CNGB3: variants seen among roughly 807,000 people sequenced by gnomAD.
CNGB3 encodes cyclic nucleotide-gated channel beta-3.
CNGB3 carries 86 observed loss-of-function variants against 92.8 expected under a neutral mutation model. The observed-to-expected ratio is 0.93, with a 90% CI of 0.78 to 1.11. CNGB3 has a LOEUF of 1.11. Among genes scored for constraint, CNGB3 ranks in the 50% least tolerant of loss-of-function variants. The pLI is 0.00. For synonymous variants in CNGB3, 333 were observed against 332.7 expected (o/e 1.00, Z -0.01); for missense variants, 1,026 against 956.8 (o/e 1.07, Z -0.95).
intron 3 of CNGB3, among the ~76,000 whole-genome samples, chr8:86,688,921 G>T (rs577664765): frequency 1.3e-5 from 2 of 151,730 alleles, no homozygotes; most frequent in African/African-American, 4.8e-5. Context: ...TTAGGTAGGT[G>T]CTTATTGCTA....
At chr8:86,662,029 C>T in intron 6 of CNGB3, 1 of 351,794 alleles carries the variant, frequency 2.8e-6, no homozygotes, top group African/African-American at 2.1e-5. Context: ...AGGAGACTGG[C>T]CCAGGTGCAG....
chr8:86,593,966 A>T, intron 15 of CNGB3: 1 of 488,156 alleles, frequency 2.0e-6, no homozygotes, highest in East Asian at 4.6e-5. Context: ...CTCCAGTGGG[A>T]GCGAGAACTT....
At chr8:86,611,164 C>G (rs2131565327) in intron 14 of CNGB3, among the ~76,000 whole-genome samples, 1 of 152,088 alleles carries the variant, frequency 6.6e-6, no homozygotes, top group Admixed American at 6.5e-5. Context: ...TCATAAAAAG[C>G]ACAGTACAGT....
intron 1 of CNGB3, among the ~76,000 whole-genome samples, chr8:86,743,267 C>A (rs1272297689): frequency 2.6e-5 from 4 of 152,180 alleles, no homozygotes; most frequent in African/African-American, 9.7e-5. Flanking sequence ...AATGAGAAGT[C>A]TTACTTGGCT....
chr8:86,697,601 T>C (rs1213794015), intron 3 of CNGB3, among the ~76,000 whole-genome samples: 1 of 152,210 alleles, frequency 6.6e-6, no homozygotes, highest in African/African-American at 2.4e-5. Flanking sequence ...AAAAAAATTT[T>C]AGCAAAACTC....
At chr8:86,627,635 T>C (rs1019811199) in intron 12 of CNGB3, among the ~76,000 whole-genome samples, 3 of 152,230 alleles carry the variant, frequency 2.0e-5, no homozygotes, top group African/African-American at 7.2e-5. Flanking sequence ...TATTGTCAAC[T>C]AGCAGTGCAT....
intron 10 of CNGB3, among the ~76,000 whole-genome samples, chr8:86,635,872 A>G (rs1823062034): frequency 1.4e-5 from 2 of 138,952 alleles, no homozygotes. Flanking sequence ...ATACACATAC[A>G]CATATACTTA....
At position 86,661,442 on chromosome 8, in the gene CNGB3, A is replaced by G. The variant is rs572853870; in HGVS notation, c.852+5483T>C. 1.6e-4 allele frequency: 81 copies of G among 519,240 alleles called. 2 individuals are homozygous for G. Among genetic ancestry groups the G allele is most frequent in the African/African-American group, 1.4e-3 (74 of 51,346 alleles). 32.2% of individuals were successfully genotyped at this position (519,240 alleles called of 1,614,324 possible). On this transcript the variant is annotated intron_variant, in intron 6 of 17. Transcript: ENST00000320005. ...CAGCAGACCTGTTTTATGTTTTATA[A>G]CTCCATGATCTGCATACGTCCCTGA...
intron 2 of CNGB3, 35 bp downstream of exon 2, chr8:86,739,620 G>GTTTTTTTTTTTTTTTTTTTTTTT: frequency 6.7e-7 from 1 of 1,488,506 alleles, no homozygotes; most frequent in Non-Finnish European, 9.0e-7. Context: ...TCACTTTTTA[G>GTTTTTTTTTTTTTTTTTTTTTTT]TTTTTTTTTT....
intron 11 of CNGB3, among the ~76,000 whole-genome samples, chr8:86,632,198 C>CA (rs71275869): frequency 0.25 from 17,320 of 69,554 alleles, 1,877 homozygotes; most frequent in African/African-American, 0.34. Flanking sequence ...GACCCTGTCT[C>CA]AAAAAAAAAA....
intron 10 of CNGB3, among the ~76,000 whole-genome samples, chr8:86,638,298 A>T (rs1329329832): frequency 1.3e-5 from 2 of 152,096 alleles, no homozygotes; most frequent in Non-Finnish European, 2.9e-5. Flanking sequence ...AAACTGTCAG[A>T]TCTTTTTCCA....
intron 15 of CNGB3, among the ~76,000 whole-genome samples, chr8:86,599,937 C>T (rs572233101): frequency 6.6e-6 from 1 of 152,280 alleles, no homozygotes; most frequent in South Asian, 2.1e-4. Flanking sequence ...CACTCCCTCC[C>T]CTTTTGAAAA....
At chr8:86,588,808 T>G (rs1474857204) in intron 15 of CNGB3, among the ~76,000 whole-genome samples, 57 of 151,976 alleles carry the variant, frequency 3.8e-4, no homozygotes, top group Admixed American at 1.1e-3. Context: ...TCTTTTTTGT[T>G]TGTGTCTCTG....
At chr8:86,719,529 A>G (rs1387467448) in intron 3 of CNGB3, among the ~76,000 whole-genome samples, 1 of 152,168 alleles carries the variant, frequency 6.6e-6, no homozygotes, top group African/African-American at 2.4e-5. Flanking sequence ...CAAACAACAC[A>G]AACATGGAAA....
intron 13 of CNGB3, among the ~76,000 whole-genome samples, chr8:86,625,185 G>C (rs1822822074): frequency 6.6e-6 from 1 of 152,012 alleles, no homozygotes; most frequent in East Asian, 1.9e-4. Context: ...TATACAACCT[G>C]CTTAACTTTG....
intron 2 of CNGB3, among the ~76,000 whole-genome samples, chr8:86,737,987 G>C (rs1249593863): frequency 6.6e-6 from 1 of 152,032 alleles, no homozygotes; most frequent in African/African-American, 2.4e-5. Flanking sequence ...TCTTATTTTT[G>C]TTCCTTGAAG....
Position 86,580,858 on chromosome 8 carries a change from T to A in CNGB3, c.1782-1606A>T, listed in dbSNP as rs543195938. 6.6e-5 allele frequency among the ~76,000 whole-genome samples: 10 copies of A among 152,200 alleles called. No homozygotes were observed. The South Asian group carries it at 1.7e-3, about 25-fold the overall frequency. Reference sequence around the variant, plus strand: ...CCCTTGGAGTTAATCTGTTAGAAACTGAGAAAGAAGGATCACATTAACAAA... The same window carrying A: ...CCCTTGGAGTTAATCTGTTAGAAACAGAGAAAGAAGGATCACATTAACAAA... On this transcript the variant is annotated intron_variant, in intron 15 of 17. Transcript: ENST00000320005.
chr8:86,628,058 T>C (rs1822883638), intron 12 of CNGB3, among the ~76,000 whole-genome samples: 1 of 152,208 alleles, frequency 6.6e-6, no homozygotes, highest in Non-Finnish European at 1.5e-5. Context: ...ATTTTAAGAA[T>C]ATGGTATATA....
intron 14 of CNGB3, 149 bp from the exon 15 acceptor site, chr8:86,604,360 A>G: frequency 1.6e-6 from 1 of 606,234 alleles, no homozygotes; most frequent in Non-Finnish European, 2.9e-6. Flanking sequence ...TAAGACCTAA[A>G]GTATTTACAG....
Sources: gnomAD v4.1 joint callset for allele counts (sites outside exome capture counted in the v4.1 genomes callset) on GRCh38, gnomAD v4.1.1 for gene constraint, MANE v1.5 for transcripts, NCBI Gene and HGNC (gene_info 2026-07-23, HGNC 2026-07-21) for gene names.